PIGX: variants seen among roughly 807,000 people sequenced by gnomAD.
PIGX encodes the protein phosphatidylinositol glycan anchor biosynthesis class X.
A neutral mutation model predicts 28.7 loss-of-function variants in PIGX; 24 were observed. That is an observed-to-expected ratio of 0.84 (90% CI 0.60 to 1.17). The LOEUF (loss-of-function observed/expected upper bound fraction) is 1.17. Among genes scored for constraint, PIGX ranks in the 50% most tolerant of loss-of-function variants. PIGX has a pLI of 0.00. For missense variants in PIGX, 305 were observed against 317.8 expected, an observed-to-expected ratio of 0.96 and a Z score of 0.31; for synonymous variants, 127 against 121.0, an observed-to-expected ratio of 1.05 and a Z score of -0.33.
At chr3:196,721,067 AG>A (rs2108680439) in intron 2 of PIGX, 2 of 250,172 alleles carry the variant, frequency 8.0e-6, no homozygotes, top group East Asian at 2.5e-4. Flanking sequence ...TATCCTGCTT[AG>A]GGTTGGTTGG....
intron 2 of PIGX, among the ~76,000 whole-genome samples, chr3:196,720,505 C>A (rs1712280715): frequency 6.6e-6 from 1 of 152,184 alleles, no homozygotes; most frequent in South Asian, 2.1e-4. Flanking sequence ...CCGTTGTGAA[C>A]AGGATTTACG....
At chr3:196,720,030 G>A (rs1473886888) in intron 2 of PIGX, among the ~76,000 whole-genome samples, 1 of 152,172 alleles carries the variant, frequency 6.6e-6, no homozygotes, top group Non-Finnish European at 1.5e-5. Context: ...CGCCTGCTTC[G>A]GCCTCCCGAA....
intron 2 of PIGX, chr3:196,721,403 A>G (rs1401009150): frequency 1.2e-5 from 2 of 160,050 alleles, no homozygotes; most frequent in African/African-American, 2.4e-5. Flanking sequence ...TTAAAGTTGC[A>G]TTTAGTTTTT....
chr3:196,725,853 T>C (rs73892933), intron 3 of PIGX, among the ~76,000 whole-genome samples: 473 of 152,310 alleles, frequency 3.1e-3, no homozygotes, highest in African/African-American at 9.6e-3. Context: ...AACTGAACAT[T>C]GCTTTAGTCC....
rs1015011296 is a variant in PIGX, at chr3:196,712,615, C to T, written c.83C>T (p.Ala28Val). 2 of 1,189,964 alleles carry T rather than the reference C, an allele frequency of 1.7e-6. No individual in the cohort carries two copies. Among genetic ancestry groups the T allele is most frequent in the Non-Finnish European group, 2.1e-6 (2 of 960,948 alleles). 73.7% of individuals were successfully genotyped at this position (1,189,964 alleles called of 1,614,324 possible). Residue 28 changes from alanine (A) to valine (V), a missense_variant, in exon 1 of 6, where the codon GCG becomes GTG. Ala to Val is a moderately conservative substitution (Grantham distance 64). Coordinates refer to ENST00000392391, the MANE Select transcript of PIGX (RefSeq NM_017861.4). ...ACCGGGCTCACGCGCGGGCCCGCCG[C>T]GGCCTTCACCGCCGCGCGCTCTGAC...
In PIGX at chr3:196,733,958, C is replaced by A; in HGVS notation, c.*56C>A. 1.8e-6 allele frequency: 2 copies of A among 1,085,386 alleles called. No homozygotes were observed. The highest frequency in any genetic ancestry group is 2.8e-6 in the Non-Finnish European group (2 of 714,440). 67.2% of individuals were successfully genotyped at this position (1,085,386 alleles called of 1,614,324 possible). Reference sequence around the variant, plus strand: ...CTAAATAAGATCTATTAATTTCTGACGAGAGGTGTTCTTCTAGAATTAATT... The same window carrying A: ...CTAAATAAGATCTATTAATTTCTGAAGAGAGGTGTTCTTCTAGAATTAATT... On this transcript the variant is annotated 3_prime_UTR_variant, in exon 6 of 6. Coordinates refer to ENST00000392391, the MANE Select transcript of PIGX (RefSeq NM_017861.4). This position sits in a 1 kb window ranked among gnomAD's most constrained non-coding sequence, Gnocchi z 4.3.
Position 196,733,169 on chromosome 3 carries a change from T to C in PIGX, c.634-590T>C, listed in dbSNP as rs1712879418. Among the ~76,000 whole-genome samples, 1 of 152,142 alleles carries C rather than the reference T, an allele frequency of 6.6e-6. No homozygotes were observed. ...ATAGCTTTTCTTAAAATAATATACTTTATGTAAAAAGCAGAAAAATCAGAA... is the reference window on the plus strand; with the variant it reads ...ATAGCTTTTCTTAAAATAATATACTCTATGTAAAAAGCAGAAAAATCAGAA... On this transcript the variant is annotated intron_variant, in intron 5 of 5. Transcript: ENST00000392391. This position sits in a 1 kb window ranked among gnomAD's most constrained non-coding sequence, Gnocchi z 4.3.
chr3:196,727,646 TAAG>T (rs1175766243), intron 3 of PIGX, among the ~76,000 whole-genome samples: 6 of 152,166 alleles, frequency 3.9e-5, no homozygotes, highest in African/African-American at 1.4e-4. Context: ...CAAAGACTAA[TAAG>T]AAAATATTAC....
chr3:196,730,144 C>T (rs79968393), intron 4 of PIGX, among the ~76,000 whole-genome samples: 2,259 of 151,552 alleles, frequency 0.015, 53 homozygotes, highest in African/African-American at 0.049. Context: ...CATTTGTTAC[C>T]GTCATACCTT....
At chr3:196,724,234 C>T (rs916485696) in intron 3 of PIGX, among the ~76,000 whole-genome samples, 1 of 152,004 alleles carries the variant, frequency 6.6e-6, no homozygotes, top group Non-Finnish European at 1.5e-5. Context: ...TGGCTGATCT[C>T]GAACTCCTGA....
rs952149996 is a variant in PIGX, at chr3:196,712,610, C to A, written c.78C>A (p.Pro26=). ...CGGCGACCGGGCTCACGCGCGGGCC[C>A]GCCGCGGCCTTCACCGCCGCGCGCT... is the stretch of plus-strand genomic sequence containing the variant. Residue 26 remains proline, a synonymous_variant, in exon 1 of 6, where the codon CCC becomes CCA. Transcript: ENST00000392391. 9.3e-5 allele frequency: 111 copies of A among 1,190,762 alleles called. No homozygotes were observed. The African/African-American group carries it at 1.6e-3, about 17-fold the overall frequency. 73.8% of individuals were successfully genotyped at this position (1,190,762 alleles called of 1,614,324 possible).
At chr3:196,714,461 CTCTT>C (rs1712000631) in intron 1 of PIGX, among the ~76,000 whole-genome samples, 1 of 108,230 alleles carries the variant, frequency 9.2e-6, no homozygotes, top group African/African-American at 3.6e-5. Context: ...AAGGCCCTGT[CTCTT>C]TTTTTTTTTT....
chr3:196,730,485 C>G (rs1258776579), intron 4 of PIGX, among the ~76,000 whole-genome samples: 2 of 152,072 alleles, frequency 1.3e-5, no homozygotes, highest in Admixed American at 1.3e-4. Flanking sequence ...CGTAGTGGCT[C>G]ACGCCTGTAA....
Position 196,733,375 on chromosome 3 carries a change from C to T in PIGX, c.634-384C>T, listed in dbSNP as rs934506572. Among the ~76,000 whole-genome samples the T allele has an allele frequency of 4.8e-4, 73 of 152,042 alleles. No homozygotes were observed. The highest frequency in any genetic ancestry group is 1.7e-3 in the African/African-American group (72 of 41,468). On this transcript the variant is annotated intron_variant, in intron 5 of 5. Transcript: ENST00000392391. This position sits in a 1 kb window ranked among gnomAD's most constrained non-coding sequence, Gnocchi z 4.3. ...TTAAAAATCAAAGAAATAGTGGTCT[C>T]ACCTTATGACATTTATTTTATTTTA...
At chr3:196,713,202 G>T in intron 1 of PIGX, 2 of 522,460 alleles carry the variant, frequency 3.8e-6, no homozygotes, top group Non-Finnish European at 4.9e-6. Flanking sequence ...GTCATCCTTG[G>T]TATCATTTAG....
chr3:196,714,184 C>T (rs2108673306), intron 1 of PIGX, among the ~76,000 whole-genome samples: 1 of 152,296 alleles, frequency 6.6e-6, no homozygotes, highest in African/African-American at 2.4e-5. Context: ...TGGATTTGTG[C>T]TGGGCACAGT....
In PIGX at chr3:196,734,388, C is replaced by A. The variant is rs1712930664; in HGVS notation, c.*486C>A. 6.6e-6 allele frequency: 1 copy of A among 152,572 alleles called. No homozygotes were observed. 9.5% of individuals were successfully genotyped at this position (152,572 alleles called of 1,614,324 possible). A position where few individuals can be genotyped will look rare whatever the true frequency, so the allele number is the denominator to read the frequency against. On this transcript the variant is annotated 3_prime_UTR_variant, in exon 6 of 6. Coordinates refer to ENST00000392391, the MANE Select transcript of PIGX (RefSeq NM_017861.4). ...AGAGTTTGAGACCAGCTTGGTGAAA[C>A]CCTGTCTCTACTAAAAATACAAAAG...
In PIGX at chr3:196,732,249, TA is replaced by T. The variant is rs1261115210; in HGVS notation, c.633+1158del. ...ATATATATATATATATATATATATA[TA>T]TATATATTTTATTTTATTTTATTTT... On this transcript the variant is annotated intron_variant, in intron 5 of 5. Transcript: ENST00000392391. Among the ~76,000 whole-genome samples the T allele has an allele frequency of 5.5e-3, 195 of 35,578 alleles. 13 individuals carry two copies. Among genetic ancestry groups the T allele is most frequent in the African/African-American group, 0.029 (177 of 6,180 alleles). 23.3% of individuals were successfully genotyped at this position (35,578 alleles called of 152,430 possible).
At chr3:196,731,158 C>T (rs1712737942) in intron 5 of PIGX, 66 bp downstream of exon 5, 1 of 880,966 alleles carries the variant, frequency 1.1e-6, no homozygotes, top group Admixed American at 2.2e-5. Context: ...CTGTAATGTT[C>T]CTGCCACATT....
Sources: allele counts gnomAD v4.1 joint callset (sites outside exome capture counted in the v4.1 genomes callset), GRCh38; gene constraint gnomAD v4.1.1; non-coding constraint Gnocchi (gnomAD v3.1); transcripts MANE v1.5; gene names NCBI Gene and HGNC (gene_info 2026-07-23, HGNC 2026-07-21).